DPYSL4: variants seen among roughly 807,000 people sequenced by gnomAD.
DPYSL4 encodes the protein dihydropyrimidinase like 4, also known as dihydropyrimidinase-related protein 4.
A neutral mutation model predicts 63.4 loss-of-function variants in DPYSL4; 43 were observed. The observed-to-expected ratio is 0.68, with a 90% CI of 0.53 to 0.88. DPYSL4 has a LOEUF of 0.88. Among genes scored for constraint, DPYSL4 ranks in the 40% least tolerant of loss-of-function variants. The pLI is 0.00. For missense variants in DPYSL4, 733 were observed against 819.5 expected (o/e 0.89, Z 1.29); for synonymous variants, 353 against 331.7 (o/e 1.06, Z -0.70).
At chr10:132,203,178 G>A (rs1025364961) in intron 12 of DPYSL4, among the ~76,000 whole-genome samples, 2 of 152,238 alleles carry the variant, frequency 1.3e-5, no homozygotes, top group Non-Finnish European at 2.9e-5. Context: ...GGACCTCAGT[G>A]TGGGTCCTTC....
chr10:132,187,783 C>T (rs904087158), intron 1 of DPYSL4, among the ~76,000 whole-genome samples: 1 of 152,220 alleles, frequency 6.6e-6, no homozygotes, highest in African/African-American at 2.4e-5. Flanking sequence ...AGCAGAGACC[C>T]CTCCCCAACA....
chr10:132,198,845 C>T lies in DPYSL4; in HGVS notation c.691-6C>T. Reference sequence around the variant, plus strand: ...TGTGGCCTCATCCCTCTCATCTCGTCCCCAGGTGGAGGCTGAGGCGGTGTA... The same window carrying T: ...TGTGGCCTCATCCCTCTCATCTCGTTCCCAGGTGGAGGCTGAGGCGGTGTA... On this transcript the variant is annotated splice_region_variant and splice_polypyrimidine_tract_variant and intron_variant, in intron 7 of 13. Coordinates refer to ENST00000338492, the MANE Select transcript of DPYSL4 (RefSeq NM_006426.3). 1.2e-6 allele frequency: 2 copies of T among 1,612,770 alleles called. No individual in the cohort carries two copies. The highest frequency in any genetic ancestry group is 1.7e-6 in the Non-Finnish European group (2 of 1,179,818).
Position 132,205,035 on chromosome 10 carries a change from G to A in DPYSL4, c.*105G>A, listed in dbSNP as rs1166819604. 18 of 958,558 alleles carry A rather than the reference G, an allele frequency of 1.9e-5. No homozygotes were observed. Among genetic ancestry groups the A allele is most frequent in the Non-Finnish European group, 2.7e-5 (18 of 666,368 alleles). The allele number at this position is 958,558 out of a possible 1,614,324, so 59.4% of individuals were successfully genotyped here. ...GCATTTTCTTTTGTAGAAGTTTCTC[G>A]AAGGTGCTTGGCGGTCTTGCCTTCC... On this transcript the variant is annotated 3_prime_UTR_variant, in exon 14 of 14. Transcript: ENST00000338492.
chr10:132,192,677 A>G lies in DPYSL4; in HGVS notation c.148A>G (p.Ile50Val), dbSNP rs780812422. ...GLIKQIGENL[I>V]VPGGIKTIDA... ...TTTCAGACAAATCGGAGAAAACCTCATCGTCCCTGGGGGCATCAAGACCAT... is the reference window on the plus strand; with the variant it reads ...TTTCAGACAAATCGGAGAAAACCTCGTCGTCCCTGGGGGCATCAAGACCAT... Residue 50 changes from isoleucine (I) to valine (V), a missense_variant, in exon 3 of 14, where the codon ATC becomes GTC. By Grantham distance (29) the Ile-to-Val change is conservative. Coordinates refer to ENST00000338492, the MANE Select transcript of DPYSL4 (RefSeq NM_006426.3). 7.5e-6 allele frequency: 12 copies of G among 1,606,432 alleles called. No homozygotes were observed. In the South Asian group the frequency reaches 1.0e-4, roughly 13 times the overall value.
chr10:132,192,840 T>TC lies in DPYSL4; in HGVS notation c.312dup (p.Asp106GlyfsTer41). ...GCGCTAGCAGGAGGAACCACCATGA[T>TC]CTGTGAGTGTCTGGGTCTCCTCCTC... is the stretch of plus-strand genomic sequence containing the variant. On this transcript the variant is annotated frameshift_variant and splice_region_variant, in exon 3 of 14. Transcript: ENST00000338492. LOFTEE classifies it high-confidence loss of function. 6.2e-7 allele frequency: 1 copy of TC among 1,606,154 alleles called. No homozygotes were observed. The highest frequency in any genetic ancestry group is 8.5e-7 in the Non-Finnish European group (1 of 1,176,122).
In DPYSL4 at chr10:132,204,066, CTGGGGGTGT is replaced by C. The variant is rs1378343330; in HGVS notation, c.1627+142_1627+150del. 3,787 of 1,177,222 alleles carry C rather than the reference CTGGGGGTGT, an allele frequency of 3.2e-3. 102 individuals carry two copies. In the African/African-American group the frequency reaches 0.051, roughly 16 times the overall value. The allele number at this position is 1,177,222 out of a possible 1,614,324, so 72.9% of individuals were successfully genotyped here. A position where few individuals can be genotyped will look rare whatever the true frequency, so the allele number is the denominator to read the frequency against. Reference sequence around the variant, plus strand: ...CTGGGGACTGGGGCAGGAGATGCTGCTGGGGGTGTTGTGGGGGCCAAGGGCTGAGCCCAG... The same window carrying C: ...CTGGGGACTGGGGCAGGAGATGCTGCTGTGGGGGCCAAGGGCTGAGCCCAG... On this transcript the variant is annotated intron_variant, in intron 13 of 13. Transcript: ENST00000338492.
In DPYSL4 at chr10:132,195,117, T is replaced by A; in HGVS notation, c.478+108T>A. ...TGCTGCTCTGCCCTGGGGGCTGGTG[T>A]CCAGGTTTGAGTGGAAGTTGGAGAA... On this transcript the variant is annotated intron_variant, in intron 4 of 13. Transcript: ENST00000338492. The A allele has an allele frequency of 2.3e-6, 3 of 1,323,652 alleles. No homozygotes were observed. The African/African-American group carries it at 4.4e-5, about 20-fold the overall frequency. 82.0% of individuals were successfully genotyped at this position (1,323,652 alleles called of 1,614,324 possible). A position where few individuals can be genotyped will look rare whatever the true frequency, so the allele number is the denominator to read the frequency against.
chr10:132,202,171 G>A (rs2062027085), intron 11 of DPYSL4, 55 bp downstream of exon 11: 9 of 1,575,560 alleles, frequency 5.7e-6, no homozygotes, highest in Non-Finnish European at 6.9e-6. Flanking sequence ...GGGACCCCAG[G>A]GCAGCCTTCC....
rs186282916 is a variant in DPYSL4 at position 132,194,068 on chromosome 10, A to C, written c.314-777A>C. On this transcript the variant is annotated intron_variant, in intron 3 of 13. Coordinates refer to ENST00000338492, the MANE Select transcript of DPYSL4 (RefSeq NM_006426.3). ...TGTGGGTCCCCGCGAAGACAGAGAA[A>C]CACCACAGACACGAGGCTGGCCTCT... 4.7e-3 allele frequency among the ~76,000 whole-genome samples: 715 copies of C among 152,344 alleles called. 4 individuals carry two copies. The highest frequency in any genetic ancestry group is 0.016 in the African/African-American group (680 of 41,584).
At chr10:132,197,734 T>C (rs1360607024) in intron 6 of DPYSL4, among the ~76,000 whole-genome samples, 3 of 152,194 alleles carry the variant, frequency 2.0e-5, no homozygotes, top group Non-Finnish European at 4.4e-5. Context: ...CGGGACGGGC[T>C]CTGCCCACCT....
intron 3 of DPYSL4, among the ~76,000 whole-genome samples, chr10:132,194,280 C>T (rs1307233640): frequency 1.3e-5 from 2 of 152,256 alleles, no homozygotes; most frequent in East Asian, 1.9e-4. Flanking sequence ...TGTCTGGCTG[C>T]ACCAGGAGAG....
intron 12 of DPYSL4, 58 bp downstream of exon 12, chr10:132,202,883 G>A: frequency 1.3e-6 from 2 of 1,532,918 alleles, no homozygotes; most frequent in East Asian, 2.3e-5. Context: ...TGAGTTCTAG[G>A]CCCAGAACGC....
intron 3 of DPYSL4, among the ~76,000 whole-genome samples, chr10:132,194,487 G>A (rs1217364040): frequency 6.6e-6 from 1 of 152,222 alleles, no homozygotes; most frequent in Non-Finnish European, 1.5e-5. Context: ...CTGGCCCTCG[G>A]GGTGCCTCAC....
chr10:132,199,679 C>T (rs2061986995), intron 8 of DPYSL4, among the ~76,000 whole-genome samples: 1 of 62,636 alleles, frequency 1.6e-5, no homozygotes, highest in Non-Finnish European at 3.2e-5. Context: ...GGTCCCTGGG[C>T]AGGGTGGGGG....
chr10:132,197,661 T>TG (rs2137514103), intron 6 of DPYSL4, among the ~76,000 whole-genome samples: 1 of 152,262 alleles, frequency 6.6e-6, no homozygotes, highest in East Asian at 1.9e-4. Context: ...GGGACCTCAG[T>TG]GGGGGTCACC....
At chr10:132,197,520 C>T (rs559595266) in intron 6 of DPYSL4, among the ~76,000 whole-genome samples, 7 of 152,314 alleles carry the variant, frequency 4.6e-5, no homozygotes, top group East Asian at 1.9e-4. Flanking sequence ...GGCCTGAGCC[C>T]GCGTGCAGTG....
At position 132,187,047 on chromosome 10, in the gene DPYSL4, A is replaced by C; in HGVS notation, c.-17A>C. The C allele has an allele frequency of 1.0e-6, 1 of 997,948 alleles. No homozygotes were observed. The highest frequency in any genetic ancestry group is 1.0e-4 in the East Asian group (1 of 9,738). The allele number at this position is 997,948 out of a possible 1,614,324, so 61.8% of individuals were successfully genotyped here. A position where few individuals can be genotyped will look rare whatever the true frequency, so the allele number is the denominator to read the frequency against. On this transcript the variant is annotated 5_prime_UTR_variant, in exon 1 of 14. Transcript: ENST00000338492. Reference sequence around the variant, plus strand: ...CCCCCGCTTGTGCCGCCCCTACCAGAGACCCCCAGGAGCAGGATGTCCTTC... The same window carrying C: ...CCCCCGCTTGTGCCGCCCCTACCAGCGACCCCCAGGAGCAGGATGTCCTTC...
chr10:132,201,426 G>A (rs2062016799), intron 10 of DPYSL4, among the ~76,000 whole-genome samples: 2 of 152,222 alleles, frequency 1.3e-5, no homozygotes, highest in South Asian at 2.1e-4. Context: ...GCTCCCCAAG[G>A]AGACTGTCAC....
At chr10:132,189,447 G>A (rs2061845571) in intron 1 of DPYSL4, among the ~76,000 whole-genome samples, 1 of 152,224 alleles carries the variant, frequency 6.6e-6, no homozygotes, top group Non-Finnish European at 1.5e-5. Context: ...ATTCTTAGAA[G>A]TGGATTTATG....
Sources: gnomAD v4.1 joint callset for allele counts (sites outside exome capture counted in the v4.1 genomes callset) on GRCh38, gnomAD v4.1.1 for gene constraint, MANE v1.5 for transcripts, NCBI Gene and HGNC (gene_info 2026-07-23, HGNC 2026-07-21) for gene names.